RGS20: variants seen among roughly 807,000 people sequenced by gnomAD.
RGS20 encodes gz-selective GTPase-activating protein.
In RGS20, 30 loss-of-function variants were observed where a neutral mutation model predicts 33.6. The ratio of observed to expected loss-of-function variants is 0.89; its 90% CI spans 0.67 to 1.21. RGS20 has a LOEUF of 1.21. Among genes scored for constraint, RGS20 ranks in the 50% most tolerant of loss-of-function variants. The pLI, the probability that RGS20 is intolerant of heterozygous loss-of-function variation, is 0.00. For missense variants in RGS20, 472 were observed against 502.4 expected (o/e 0.94, Z 0.58); for synonymous variants, 208 against 197.9 (o/e 1.05, Z -0.43).
At chr8:53,946,047 T>C (rs1814467120) in intron 3 of RGS20, among the ~76,000 whole-genome samples, 1 of 152,220 alleles carries the variant, frequency 6.6e-6, no homozygotes, top group Non-Finnish European at 1.5e-5. Flanking sequence ...AGAAATACAA[T>C]AGATTTTGAT....
At chr8:53,907,960 A>T (rs1364660127) in intron 2 of RGS20, among the ~76,000 whole-genome samples, 1 of 152,114 alleles carries the variant, frequency 6.6e-6, no homozygotes, top group Non-Finnish European at 1.5e-5. Flanking sequence ...GCCCAGAAAA[A>T]ATCCATCTAG....
chr8:53,918,242 C>T (rs954567090), intron 2 of RGS20, among the ~76,000 whole-genome samples: 1 of 152,148 alleles, frequency 6.6e-6, no homozygotes, highest in Non-Finnish European at 1.5e-5. Flanking sequence ...CACTCATTCC[C>T]CTTACCCCAT....
At chr8:53,933,872 C>T (rs1016186856) in intron 2 of RGS20, among the ~76,000 whole-genome samples, 24 of 152,164 alleles carry the variant, frequency 1.6e-4, no homozygotes, top group South Asian at 6.2e-4. Context: ...GGTCGGGTTA[C>T]CCACAAAGGG....
At chr8:53,878,117 AT>A (rs887318912) in intron 1 of RGS20, among the ~76,000 whole-genome samples, 14 of 151,612 alleles carry the variant, frequency 9.2e-5, no homozygotes, top group Non-Finnish European at 2.1e-4. Flanking sequence ...CTCCACCTTC[AT>A]TTTTTTTGGC....
intron 2 of RGS20, among the ~76,000 whole-genome samples, chr8:53,889,150 C>T (rs1161662466): frequency 6.6e-6 from 1 of 152,180 alleles, no homozygotes; most frequent in Non-Finnish European, 1.5e-5. Flanking sequence ...AATCAGTTTA[C>T]ATCCATCCCC....
At chr8:53,933,218 C>T (rs903653857) in intron 2 of RGS20, among the ~76,000 whole-genome samples, 1 of 152,164 alleles carries the variant, frequency 6.6e-6, no homozygotes, top group Non-Finnish European at 1.5e-5. Context: ...CAAAGGATCA[C>T]AACTCGTTGC....
At chr8:53,852,559 A>G (rs560483792) in intron 1 of RGS20, among the ~76,000 whole-genome samples, 2 of 152,218 alleles carry the variant, frequency 1.3e-5, no homozygotes, top group Non-Finnish European at 1.5e-5. Flanking sequence ...TTTCCTAAGC[A>G]TGAGTTTCTA....
chr8:53,897,481 T>A (rs1008894969), intron 2 of RGS20, among the ~76,000 whole-genome samples: 3 of 152,244 alleles, frequency 2.0e-5, no homozygotes, highest in African/African-American at 7.2e-5. Flanking sequence ...AAAATGAATG[T>A]TACTTTTAAG....
intron 1 of RGS20, among the ~76,000 whole-genome samples, chr8:53,866,900 G>T (rs1811933255): frequency 6.6e-6 from 1 of 152,134 alleles, no homozygotes; most frequent in South Asian, 2.1e-4. Context: ...CTGTAAGGTG[G>T]AAGGTTTGGG....
At chr8:53,882,381 C>A (rs1440390882) in intron 2 of RGS20, among the ~76,000 whole-genome samples, 1 of 152,102 alleles carries the variant, frequency 6.6e-6, no homozygotes. Flanking sequence ...TGGCGAGCAG[C>A]CAGGGCCAGC....
At chr8:53,920,782 G>T (rs183391343) in intron 2 of RGS20, among the ~76,000 whole-genome samples, 5 of 151,924 alleles carry the variant, frequency 3.3e-5, no homozygotes, top group Non-Finnish European at 5.9e-5. Context: ...TTTGAGACGG[G>T]CAGTCTCACT....
chr8:53,919,207 A>G (rs1366920940), intron 2 of RGS20, among the ~76,000 whole-genome samples: 1 of 152,188 alleles, frequency 6.6e-6, no homozygotes, highest in Non-Finnish European at 1.5e-5. Flanking sequence ...TATCTAGTCA[A>G]ATCCTTTCTC....
At chr8:53,889,422 T>C (rs1317127500) in intron 2 of RGS20, among the ~76,000 whole-genome samples, 2,742 of 82,156 alleles carry the variant, frequency 0.033, 510 homozygotes, top group African/African-American at 0.19. Flanking sequence ...CTTTTTTTTT[T>C]TTTTTTTTTT....
At chr8:53,871,112 CA>C (rs370091533) in intron 1 of RGS20, among the ~76,000 whole-genome samples, 958 of 21,404 alleles carry the variant, frequency 0.045, 1 homozygote, top group African/African-American at 0.068. Context: ...CTCCATCTCA[CA>C]AAAAAAAAAA....
intron 2 of RGS20, among the ~76,000 whole-genome samples, chr8:53,894,628 G>A (rs1212944620): frequency 6.6e-6 from 1 of 152,204 alleles, no homozygotes; most frequent in Non-Finnish European, 1.5e-5. Context: ...TGTGGTATGA[G>A]GGGCACAGTT....
rs903778967 is a variant in RGS20 at position 53,958,632 on chromosome 8, C to T, written c.*174C>T. On this transcript the variant is annotated 3_prime_UTR_variant, in exon 6 of 6. Coordinates refer to ENST00000297313, the MANE Select transcript of RGS20 (RefSeq NM_170587.4). ...ATATTCACCATGTAAACTGCAGCCA[C>T]CTTTAGTGATACTTTTGAAAAAAAA... 1 of 348,376 alleles carries T rather than the reference C, an allele frequency of 2.9e-6. No homozygotes were observed. The highest frequency in any genetic ancestry group is 2.1e-5 in the African/African-American group (1 of 47,176). The allele number at this position is 348,376 out of a possible 1,614,324, so 21.6% of individuals were successfully genotyped here. A position where few individuals can be genotyped will look rare whatever the true frequency, so the allele number is the denominator to read the frequency against.
chr8:53,907,723 A>G (rs186599191), intron 2 of RGS20, among the ~76,000 whole-genome samples: 1 of 151,876 alleles, frequency 6.6e-6, no homozygotes, highest in East Asian at 1.9e-4. Context: ...CCTGCATCTC[A>G]TGGCTTCTTA....
intron 1 of RGS20, among the ~76,000 whole-genome samples, chr8:53,863,089 G>A (rs761073179): frequency 1.3e-5 from 2 of 152,128 alleles, no homozygotes; most frequent in African/African-American, 2.4e-5. Context: ...CCCAGTTCAA[G>A]GGATTCTCCT....
intron 4 of RGS20, among the ~76,000 whole-genome samples, chr8:53,948,208 TATAA>T (rs1032800696): frequency 1.6e-5 from 2 of 126,404 alleles, no homozygotes; most frequent in Non-Finnish European, 3.4e-5. Flanking sequence ...ATATGCTATA[TATAA>T]GATAGTATAT....
Sources: allele counts gnomAD v4.1 joint callset (sites outside exome capture counted in the v4.1 genomes callset), GRCh38; gene constraint gnomAD v4.1.1; transcripts MANE v1.5; gene names NCBI Gene and HGNC (gene_info 2026-07-23, HGNC 2026-07-21).